The following SLC13A3 variants were observed in gnomAD, a reference collection of about 807,000 sequenced individuals.
SLC13A3 encodes solute carrier family 13 member 3, also known as Na(+)/dicarboxylate cotransporter 3.
Under a neutral mutation model 59.0 loss-of-function variants are expected in SLC13A3, and 40 were observed. The observed-to-expected ratio is 0.68, with a 90% confidence interval of 0.53 to 0.88. The LOEUF is 0.88. Among genes scored for constraint, SLC13A3 ranks in the 40% least tolerant of loss-of-function variants. The pLI is 0.00. For missense variants in SLC13A3, 699 were observed against 783.2 expected, an observed-to-expected ratio of 0.89 and a Z score of 1.28; for synonymous variants, 317 against 330.3, an observed-to-expected ratio of 0.96 and a Z score of 0.44.
chr20:46,649,575 C>T (rs1402673005), intron 1 of SLC13A3, among the ~76,000 whole-genome samples: 2 of 152,184 alleles, frequency 1.3e-5, no homozygotes, highest in Middle Eastern at 3.2e-3. Flanking sequence ...AGTCAAGGCT[C>T]AGCCACCCAC....
chr20:46,561,816 C>G (rs888924846), intron 12 of SLC13A3, among the ~76,000 whole-genome samples: 1 of 151,982 alleles, frequency 6.6e-6, no homozygotes, highest in South Asian at 2.1e-4. Context: ...GGAGTCGGGC[C>G]GACATGTTGG....
chr20:46,673,657 A>G (rs2063105685), upstream of SLC13A3: 1 of 152,196 alleles, frequency 6.6e-6, no homozygotes. Context: ...CCTCAAGTTC[A>G]CGTCACTCAC....
upstream of SLC13A3, among the ~76,000 whole-genome samples, chr20:46,655,302 TACAC>T (rs532210731): frequency 1.7e-3 from 254 of 150,600 alleles, no homozygotes; most frequent in Middle Eastern, 0.01. Flanking sequence ...TACACATATA[TACAC>T]ACACATATAT....
intron 1 of SLC13A3, among the ~76,000 whole-genome samples, chr20:46,641,036 T>C (rs2062841870): frequency 6.6e-6 from 1 of 151,870 alleles, no homozygotes; most frequent in Non-Finnish European, 1.5e-5. Context: ...GGGCAATGGG[T>C]CAAACCGGGT....
At chr20:46,668,144 C>A (rs575520462) in intron 1 of SLC13A3, among the ~76,000 whole-genome samples, 1 of 152,226 alleles carries the variant, frequency 6.6e-6, no homozygotes, top group South Asian at 2.1e-4. Flanking sequence ...TCAAAGTATT[C>A]AAGTGAAAGA....
chr20:46,670,368 T>A (rs953503568), upstream of SLC13A3, among the ~76,000 whole-genome samples: 1 of 152,212 alleles, frequency 6.6e-6, no homozygotes, highest in Non-Finnish European at 1.5e-5. Flanking sequence ...AAGGGATGTA[T>A]TGGTGGCCTC....
At chr20:46,623,199 C>A (rs914279870) in intron 1 of SLC13A3, among the ~76,000 whole-genome samples, 2 of 152,180 alleles carry the variant, frequency 1.3e-5, no homozygotes, top group South Asian at 2.1e-4. Context: ...CAGTGACATG[C>A]AGTCACCTGG....
chr20:46,563,794 GAC>G (rs1319042062), intron 11 of SLC13A3, among the ~76,000 whole-genome samples: 1 of 152,192 alleles, frequency 6.6e-6, no homozygotes, highest in Non-Finnish European at 1.5e-5. Flanking sequence ...CAGAAACAGA[GAC>G]AAGCAGGTAA....
chr20:46,613,380 C>G lies in SLC13A3; in HGVS notation c.377+80G>C, dbSNP rs184486898. On this transcript the variant is annotated intron_variant, in intron 2 of 12. Coordinates refer to ENST00000279027, the MANE Select transcript of SLC13A3 (RefSeq NM_022829.6). ...AGTTTCTTGGCCTGGACGAGTAAAT[C>G]AAGAAGAGCAGGTATAGGCTCCAGA... is the stretch of plus-strand genomic sequence containing the variant. The G allele has an allele frequency of 2.3e-4, 291 of 1,273,634 alleles. No homozygotes were observed. In the African/African-American group the frequency reaches 4.2e-3, roughly 18 times the overall value. 78.9% of individuals were successfully genotyped at this position (1,273,634 alleles called of 1,614,324 possible).
intron 1 of SLC13A3, among the ~76,000 whole-genome samples, chr20:46,629,863 A>G (rs2122806536): frequency 6.6e-6 from 1 of 152,328 alleles, no homozygotes; most frequent in East Asian, 1.9e-4. Flanking sequence ...CTCCCACTTC[A>G]TAACACAAAT....
intron 1 of SLC13A3, among the ~76,000 whole-genome samples, chr20:46,643,922 C>T (rs1355401469): frequency 6.6e-6 from 1 of 152,106 alleles, no homozygotes; most frequent in Admixed American, 6.5e-5. Flanking sequence ...CTTGTAGTCC[C>T]AGCCACTTGG....
chr20:46,593,498 A>G (rs2062280376), intron 5 of SLC13A3, among the ~76,000 whole-genome samples: 1 of 151,932 alleles, frequency 6.6e-6, no homozygotes. Flanking sequence ...ATATTAATAA[A>G]CTCTATATAG....
At chr20:46,637,387 T>A (rs1555882362) in intron 1 of SLC13A3, among the ~76,000 whole-genome samples, 1 of 152,214 alleles carries the variant, frequency 6.6e-6, no homozygotes, top group Non-Finnish European at 1.5e-5. Flanking sequence ...TTTCTCTGAA[T>A]AAGCATCATC....
At position 46,613,538 on chromosome 20, in the gene SLC13A3, G is replaced by C; in HGVS notation, c.299C>G (p.Ala100Gly). The part of the protein sequence containing the change: ...NFLFLSGLIM[A>G]SAIEEWNLHR... ...CAGGTTCCACTCCTCAATGGCGCTG[G>C]CCATGATCAGCCCACTGAGGAAGAG... Residue 100 changes from alanine (A) to glycine (G), a missense_variant, in exon 2 of 13, where the codon GCC becomes GGC. By Grantham distance (60) the Ala-to-Gly change is moderately conservative. Transcript: ENST00000279027. The C allele has an allele frequency of 6.2e-7, 1 of 1,614,036 alleles. No homozygotes were observed. The highest frequency in any genetic ancestry group is 1.3e-5 in the African/African-American group (1 of 75,052).
At chr20:46,652,549 T>C (rs1385394945), upstream of SLC13A3, among the ~76,000 whole-genome samples, 11 of 13,330 alleles carry the variant, frequency 8.3e-4, no homozygotes. Context: ...TCTGGCTAAT[T>C]TTTTTTTTTT....
intron 3 of SLC13A3, among the ~76,000 whole-genome samples, chr20:46,601,882 G>A (rs1176530265): frequency 6.6e-6 from 1 of 152,162 alleles, no homozygotes; most frequent in South Asian, 2.1e-4. Flanking sequence ...GGCAAGGTAA[G>A]AGAAGTGGCA....
rs189508961 is a variant in SLC13A3, at chr20:46,567,630, C to T, written c.1333-1240G>A. On this transcript the variant is annotated intron_variant, in intron 10 of 12. Coordinates refer to ENST00000279027, the MANE Select transcript of SLC13A3 (RefSeq NM_022829.6). ...GGCAGAGACGGGTAGAGAAGTTCAC[C>T]GAGACTCCACTCGCCTGTCAGTGCT... is the stretch of plus-strand genomic sequence containing the variant. 1.1e-3 allele frequency among the ~76,000 whole-genome samples: 163 copies of T among 150,780 alleles called. 1 individual carries two copies. The highest frequency in any genetic ancestry group is 6.8e-3 in the Middle Eastern group (2 of 292).
chr20:46,609,206 A>G, intron 3 of SLC13A3: 1 of 1,275,950 alleles, frequency 7.8e-7, no homozygotes, highest in Non-Finnish European at 1.0e-6. Flanking sequence ...CCACTTTGCA[A>G]CCATAAGACC....
intron 10 of SLC13A3, among the ~76,000 whole-genome samples, chr20:46,568,371 C>T (rs34374761): frequency 4.8e-4 from 58 of 120,874 alleles, no homozygotes; most frequent in Admixed American, 4.5e-4. Flanking sequence ...GCACTCCAGT[C>T]TGGGTGACAG....
Sources: gnomAD v4.1 joint callset for allele counts (sites outside exome capture counted in the v4.1 genomes callset) on GRCh38, gnomAD v4.1.1 for gene constraint, MANE v1.5 for transcripts, NCBI Gene and HGNC (gene_info 2026-07-23, HGNC 2026-07-21) for gene names.